COMP: variants seen among roughly 807,000 people sequenced by gnomAD.
The protein encoded by COMP is cartilage oligomeric matrix protein (pseudoachondroplasia, epiphyseal dysplasia 1, multiple).
Under a neutral mutation model 95.8 loss-of-function variants are expected in COMP, and 79 were observed. The observed-to-expected ratio is 0.82, with a 90% CI of 0.69 to 0.99. The LOEUF is 0.99. Ranked by LOEUF, COMP falls within the 50% of genes least tolerant of loss-of-function variation. The probability of loss-of-function intolerance (pLI) is 0.00; values close to 1 mark genes in which losing one functional copy is unlikely to be tolerated. For synonymous variants in COMP, 438 were observed against 433.9 expected (o/e 1.01, Z -0.12); for missense variants, 906 against 1,076.1 (o/e 0.84, Z 2.21).
chr19:18,788,261 C>G lies in COMP; in HGVS notation c.926G>C (p.Gly309Ala), dbSNP rs2145903202. 2 of 1,613,280 alleles carry G rather than the reference C, an allele frequency of 1.2e-6. No homozygotes were observed. Among genetic ancestry groups the G allele is most frequent in the East Asian group, 4.5e-5 (2 of 44,882 alleles). ...GTCGGCATCCGGATCGCAGGCGTCT[C>G]CGATGCCATCGCGGTCCACATCCTC... ...GQEDVDRDGI[G>A]DACDPDADGD... is the part of the protein sequence containing the mutation. Residue 309 changes from glycine to alanine, a missense_variant, in exon 9 of 19, where the codon GGA (glycine) becomes GCA (alanine). By Grantham distance (60) the Gly-to-Ala change is moderately conservative. Coordinates refer to ENST00000222271, the MANE Select transcript of COMP (RefSeq NM_000095.3). The surrounding 1 kb of genome is among the most constrained non-coding windows in gnomAD (Gnocchi z 4.7).
chr19:18,787,335 A>G (rs548508669), intron 10 of COMP, among the ~76,000 whole-genome samples, 156 bp downstream of exon 10: 1 of 151,990 alleles, frequency 6.6e-6, no homozygotes, highest in East Asian at 1.9e-4. Flanking sequence ...CCCAGCTTGC[A>G]TTTTTCTGGC....
At chr19:18,787,204 G>C (rs1281594440) in intron 10 of COMP, among the ~76,000 whole-genome samples, 1 of 152,184 alleles carries the variant, frequency 6.6e-6, no homozygotes, top group African/African-American at 2.4e-5. Context: ...CTGTAAAGTT[G>C]TCACCTCCCA....
chr19:18,788,215 T>G lies in COMP; in HGVS notation c.972A>C (p.Glu324Asp). 6.2e-7 allele frequency: 1 copy of G among 1,612,816 alleles called. No homozygotes were observed. Among genetic ancestry groups the G allele is most frequent in the Non-Finnish European group, 8.5e-7 (1 of 1,179,758 alleles). Residue 324 changes from glutamate to aspartate, a missense_variant, in exon 9 of 19, where the codon GAA becomes GAC. Coordinates refer to ENST00000222271, the MANE Select transcript of COMP (RefSeq NM_000095.3). The surrounding 1 kb of genome is among the most constrained non-coding windows in gnomAD (Gnocchi z 4.7). ...CCGTGCCGAGCCGTAGATCTACCTT[T>G]TCATTGGGGACCCCGTCCCCGTCGG... ...PDADGDGVPN[E>D]KDNCPLVRNP...
chr19:18,784,810 G>A lies in COMP; in HGVS notation c.1914+86C>T. On this transcript the variant is annotated intron_variant, in intron 16 of 18. Coordinates refer to ENST00000222271, the MANE Select transcript of COMP (RefSeq NM_000095.3). The surrounding 1 kb of genome is among the most constrained non-coding windows in gnomAD (Gnocchi z 4.9). ...CCATAGTATGAGGCTAGGGGGCTGG[G>A]GGGCTCTAAGGGCTGTAAAGGGTTT... 1 of 1,468,340 alleles carries A rather than the reference G, an allele frequency of 6.8e-7. No individual in the cohort carries two copies. The highest frequency in any genetic ancestry group is 9.4e-7 in the Non-Finnish European group (1 of 1,060,172). The allele number at this position is 1,468,340 out of a possible 1,614,324, so 91.0% of individuals were successfully genotyped here.
chr19:18,790,517 C>CT, intron 3 of COMP, 45 bp downstream of exon 3: 1 of 1,610,264 alleles, frequency 6.2e-7, no homozygotes. Flanking sequence ...CTCTGTGTCT[C>CT]TGTCTCCCGT....
chr19:18,784,407 C>T lies in COMP; in HGVS notation c.1915-44G>A, dbSNP rs1300568141. ...GGTGGTCAGAGACCTCGTGGGCCACCGGAGCCCCCCTAGACACCTTCCTGG... is the reference window on the plus strand; with the variant it reads ...GGTGGTCAGAGACCTCGTGGGCCACTGGAGCCCCCCTAGACACCTTCCTGG... On this transcript the variant is annotated intron_variant, in intron 16 of 18. Transcript: ENST00000222271. The surrounding 1 kb of genome is among the most constrained non-coding windows in gnomAD (Gnocchi z 4.9). The T allele has an allele frequency of 1.9e-6, 3 of 1,610,830 alleles. No homozygotes were observed. The highest frequency in any genetic ancestry group is 1.3e-5 in the African/African-American group (1 of 74,968).
Position 18,785,739 on chromosome 19 carries a change from G to A in COMP, c.1602C>T (p.Phe534=). 6.2e-7 allele frequency: 1 copy of A among 1,613,522 alleles called. No individual in the cohort carries two copies. Among genetic ancestry groups the A allele is most frequent in the Non-Finnish European group, 8.5e-7 (1 of 1,180,032 alleles). ...AEVTLTDFRA[F]QTVVLDPEGD... is the part of the protein sequence containing the mutation. Reference sequence around the variant, plus strand: ...CCTCCGGGTCCAGCACGACTGTCTGGAAGGCCCTGAAGTCGGTGAGCGTGA... The same window carrying A: ...CCTCCGGGTCCAGCACGACTGTCTGAAAGGCCCTGAAGTCGGTGAGCGTGA... The change falls in exon 14 of 19, where the codon TTC becomes TTT. Residue 534 remains phenylalanine (F), a synonymous_variant. Coordinates refer to ENST00000222271, the MANE Select transcript of COMP (RefSeq NM_000095.3).
In COMP at chr19:18,788,301, G is replaced by C. The variant is rs749583854; in HGVS notation, c.886C>G (p.Pro296Ala). The C allele has an allele frequency of 2.5e-6, 4 of 1,612,152 alleles. No individual in the cohort carries two copies. The South Asian group carries it at 3.3e-5, about 13-fold the overall frequency. Reference protein sequence around the residue: ...QCRKDNCVTVPNSGQEDVDRD... With the variant: ...QCRKDNCVTVANSGQEDVDRD... Reference sequence around the variant, plus strand: ...TCCACATCCTCCTGCCCTGAGTTGGGCACAGTCACGCAGTTGTCCTGGGGG... The same window carrying C: ...TCCACATCCTCCTGCCCTGAGTTGGCCACAGTCACGCAGTTGTCCTGGGGG... Residue 296 changes from proline to alanine, a missense_variant, in exon 9 of 19, where the codon CCC (proline) becomes GCC (alanine). Transcript: ENST00000222271. This position sits in a 1 kb window ranked among gnomAD's most constrained non-coding sequence, Gnocchi z 4.7.
intron 14 of COMP, 25 bp downstream of exon 14, chr19:18,785,647 AC>A (rs748950117): frequency 5.6e-6 from 9 of 1,611,824 alleles, no homozygotes; most frequent in African/African-American, 2.7e-5. Context: ...GGGTCCCATC[AC>A]CCCCCACGTG....
At chr19:18,787,464 T>A (rs772485716) in intron 10 of COMP, 27 bp downstream of exon 10, 1 of 1,600,746 alleles carries the variant, frequency 6.2e-7, no homozygotes, top group South Asian at 1.1e-5. Context: ...CCGCCTCTCC[T>A]CGCCCCCCAA....
chr19:18,790,252 G>C, intron 3 of COMP, 138 bp from the exon 4 acceptor site: 1 of 689,470 alleles, frequency 1.5e-6, no homozygotes, highest in Non-Finnish European at 2.3e-6. Context: ...GAAATCCTGC[G>C]CTGTCCGCGA....
At chr19:18,786,744 A>T in intron 10 of COMP, 94 bp from the exon 11 acceptor site, 2 of 563,296 alleles carry the variant, frequency 3.6e-6, no homozygotes, top group Non-Finnish European at 3.2e-6. Flanking sequence ...CCTGGAACAG[A>T]GTCCCAACTT....
In COMP at chr19:18,787,508, T is replaced by C. The variant is rs751496694; in HGVS notation, c.1118A>G (p.Asp373Gly). ...DQDGRGDACD[D>G]DIDGDRIRNQ... is the part of the protein sequence containing the mutation. ...GAGCTCACGGTCGCCGTCGATGTCGTCGTCGCACGCATCGCCCCGGCCGTC... is the reference window on the plus strand; with the variant it reads ...GAGCTCACGGTCGCCGTCGATGTCGCCGTCGCACGCATCGCCCCGGCCGTC... Residue 373 changes from aspartate to glycine, a missense_variant, in exon 10 of 19, where the codon GAC (aspartate) becomes GGC (glycine). Transcript: ENST00000222271. 13 of 1,613,072 alleles carry C rather than the reference T, an allele frequency of 8.1e-6. No individual in the cohort carries two copies. In the South Asian group the frequency reaches 1.2e-4, roughly 15 times the overall value.
In COMP at chr19:18,789,482, G is replaced by C. The variant is rs2055194510; in HGVS notation, c.391-185C>G. 6.6e-6 allele frequency among the ~76,000 whole-genome samples: 1 copy of C among 152,148 alleles called. No individual in the cohort carries two copies. The highest frequency in any genetic ancestry group is 2.4e-5 in the African/African-American group (1 of 41,434). ...TTGATGACGGCAAGGGCGCAACCGGGAGAGGAGAGGAGAGCTGTTCCCTCA... is the reference window on the plus strand; with the variant it reads ...TTGATGACGGCAAGGGCGCAACCGGCAGAGGAGAGGAGAGCTGTTCCCTCA... On this transcript the variant is annotated intron_variant, in intron 4 of 18. Coordinates refer to ENST00000222271, the MANE Select transcript of COMP (RefSeq NM_000095.3). This position sits in a 1 kb window ranked among gnomAD's most constrained non-coding sequence, Gnocchi z 6.1.
rs56093208 is a variant in COMP at position 18,787,864 on chromosome 19, C to CTTTTTCTTTCTTTCTTTCTT, written c.976-215_976-214insAAGAAAGAAAGAAAGAAAAA. Among the ~76,000 whole-genome samples, 34 of 108,884 alleles carry CTTTTTCTTTCTTTCTTTCTT rather than the reference C, an allele frequency of 3.1e-4. 2 individuals are homozygous for CTTTTTCTTTCTTTCTTTCTT. Among genetic ancestry groups the CTTTTTCTTTCTTTCTTTCTT allele is most frequent in the Middle Eastern group, 4.5e-3 (1 of 224 alleles). The allele number at this position is 108,884 out of a possible 152,430, so 71.4% of individuals were successfully genotyped here. ...TCTTTTCTTTTTTCTTTTTCTTTTT[C>CTTTTTCTTTCTTTCTTTCTT]TCTTTCTTTCTTTCTTTCTTTCTTT... On this transcript the variant is annotated intron_variant, in intron 9 of 18. Transcript: ENST00000222271.
chr19:18,791,010 A>C, intron 1 of COMP, 75 bp from the exon 2 acceptor site: 1 of 1,535,202 alleles, frequency 6.5e-7, no homozygotes, highest in South Asian at 1.2e-5. Flanking sequence ...GTTGCAGCGA[A>C]CCCGGACCTC....
rs371677417 is a variant in COMP at position 18,784,880 on chromosome 19, C to T, written c.1914+16G>A. On this transcript the variant is annotated intron_variant, in intron 16 of 18. Transcript: ENST00000222271. This position sits in a 1 kb window ranked among gnomAD's most constrained non-coding sequence, Gnocchi z 4.9. ...GCATGAGGACCGCAGAGGTCAGGCACGGACGGCCCTGGCACCTTGAGTTGG... is the reference window on the plus strand; with the variant it reads ...GCATGAGGACCGCAGAGGTCAGGCATGGACGGCCCTGGCACCTTGAGTTGG... 1.2e-6 allele frequency: 2 copies of T among 1,613,034 alleles called. No individual in the cohort carries two copies. The highest frequency in any genetic ancestry group is 1.7e-6 in the Non-Finnish European group (2 of 1,179,888).
In COMP at chr19:18,786,084, T is replaced by C; in HGVS notation, c.1370A>G (p.Glu457Gly). 1 of 1,614,122 alleles carries C rather than the reference T, an allele frequency of 6.2e-7. No homozygotes were observed. The highest frequency in any genetic ancestry group is 1.3e-5 in the African/African-American group (1 of 75,072). Residue 457 changes from glutamate (E) to glycine (G), a missense_variant, in exon 13 of 19, where the codon GAG becomes GGG. Physicochemically the swap from Glu to Gly is moderately conservative, Grantham distance 98. Coordinates refer to ENST00000222271, the MANE Select transcript of COMP (RefSeq NM_000095.3). ...NCPTVPNSAQEDSDHDGQGDA... is the reference protein window; with the variant it reads ...NCPTVPNSAQGDSDHDGQGDA... ...ACCCTGGCCATCGTGGTCTGAGTCCTCCTGGGCACTGTTAGGCACCGTGGG... is the reference window on the plus strand; with the variant it reads ...ACCCTGGCCATCGTGGTCTGAGTCCCCCTGGGCACTGTTAGGCACCGTGGG...
rs1802506589 is a variant in COMP, at chr19:18,791,219, G to T, written c.51C>A (p.Gly17=). ...CVLLLTLAAL[G]ASGQGQSPLG... ...ACGGGCTCTGGCCCTGTCCGGACGC[G>T]CCGAGGGCAGCCAGGGTGAGCAGAA... Residue 17 remains glycine, a synonymous_variant, in exon 1 of 19, where the codon GGC becomes GGA. Coordinates refer to ENST00000222271, the MANE Select transcript of COMP (RefSeq NM_000095.3). The T allele has an allele frequency of 6.3e-7, 1 of 1,594,876 alleles. No individual in the cohort carries two copies. The highest frequency in any genetic ancestry group is 8.5e-7 in the Non-Finnish European group (1 of 1,172,412).
Sources: gnomAD v4.1 joint callset for allele counts (sites outside exome capture counted in the v4.1 genomes callset) on GRCh38, gnomAD v4.1.1 for gene constraint, Gnocchi (gnomAD v3.1) non-coding constraint, MANE v1.5 for transcripts, NCBI Gene and HGNC (gene_info 2026-07-23, HGNC 2026-07-21) for gene names.